The following PXT1 variants were observed in gnomAD, a reference collection of about 807,000 sequenced individuals.
PXT1 encodes the protein peroxisomal testis-specific protein 1.
Under a neutral mutation model 11.0 loss-of-function variants are expected in PXT1, and 11 were observed. The ratio of observed to expected loss-of-function variants is 1.00; its 90% confidence interval spans 0.63 to 1.66. The LOEUF (loss-of-function observed/expected upper bound fraction) is 1.66, where lower values mean the gene tolerates loss of function less well. Ranked by LOEUF, PXT1 falls within the 40% of genes most tolerant of loss-of-function variation. PXT1 has a pLI of 0.00. For missense variants in PXT1, 141 were observed against 155.5 expected, an observed-to-expected ratio of 0.91 and a Z score of 0.49; for synonymous variants, 43 against 51.4, an observed-to-expected ratio of 0.84 and a Z score of 0.70.
chr6:36,395,757 T>A (rs181528671), intron 4 of PXT1, among the ~76,000 whole-genome samples: 1 of 152,220 alleles, frequency 6.6e-6, no homozygotes, highest in Non-Finnish European at 1.5e-5. Flanking sequence ...CCTAGCACTT[T>A]GGGAGGCCGA....
intron 3 of PXT1, among the ~76,000 whole-genome samples, chr6:36,420,995 C>T (rs1194723260): frequency 6.7e-6 from 1 of 150,236 alleles, no homozygotes; most frequent in African/African-American, 2.5e-5. Flanking sequence ...GCGGAGGTTG[C>T]AGCGAGCCAA....
At chr6:36,411,428 G>C (rs1774374491) in intron 3 of PXT1, among the ~76,000 whole-genome samples, 1 of 152,132 alleles carries the variant, frequency 6.6e-6, no homozygotes, top group South Asian at 2.1e-4. Flanking sequence ...TTCAGCCTGG[G>C]CAACAAGAGT....
intron 3 of PXT1, among the ~76,000 whole-genome samples, chr6:36,423,903 C>T (rs1478799530): frequency 6.6e-6 from 1 of 152,164 alleles, no homozygotes; most frequent in Non-Finnish European, 1.5e-5. Context: ...TATGGTAAAA[C>T]GGGAGTTCTA....
At chr6:36,402,166 T>G (rs1446604806) in intron 3 of PXT1, among the ~76,000 whole-genome samples, 1 of 152,084 alleles carries the variant, frequency 6.6e-6, no homozygotes, top group African/African-American at 2.4e-5. Flanking sequence ...CAAACTTTAT[T>G]TGCTTCCAGC....
chr6:36,439,824 C>A (rs1042926525), intron 1 of PXT1, among the ~76,000 whole-genome samples: 5 of 152,124 alleles, frequency 3.3e-5, no homozygotes, highest in Non-Finnish European at 7.4e-5. Flanking sequence ...AGTTTACACC[C>A]AGCCTCCGCC....
chr6:36,428,684 T>C (rs1175017925), intron 2 of PXT1, among the ~76,000 whole-genome samples: 1 of 152,206 alleles, frequency 6.6e-6, no homozygotes, highest in Non-Finnish European at 1.5e-5. Flanking sequence ...CAAACAATAC[T>C]GCAGGATGTT....
At chr6:36,392,916 T>C (rs1007278282) in intron 4 of PXT1, among the ~76,000 whole-genome samples, 2 of 151,840 alleles carry the variant, frequency 1.3e-5, no homozygotes, top group Admixed American at 1.3e-4. Context: ...AGAAAAAAAG[T>C]CCTTGCAGTG....
Position 36,391,881 on chromosome 6 carries a change from G to GA in PXT1, c.301-8dup. On this transcript the variant is annotated splice_region_variant and splice_polypyrimidine_tract_variant and intron_variant, in intron 4 of 4. Transcript: ENST00000454782. ...TGCCATCCTGTTGAAGATCCTATTT[G>GA]AAAAAAGGGAGACACAGAGAAAGGT... is the stretch of plus-strand genomic sequence containing the variant. The GA allele has an allele frequency of 6.6e-7, 1 of 1,507,168 alleles. No homozygotes were observed. Among genetic ancestry groups the GA allele is most frequent in the South Asian group, 1.2e-5 (1 of 82,758 alleles). The allele number at this position is 1,507,168 out of a possible 1,614,324, so 93.4% of individuals were successfully genotyped here.
chr6:36,439,644 G>GAA (rs11478447), intron 1 of PXT1, among the ~76,000 whole-genome samples: 2 of 102,800 alleles, frequency 1.9e-5, no homozygotes, highest in African/African-American at 3.6e-5. Context: ...ATATAAGGCT[G>GAA]AAAAAAAAAA....
In PXT1 at chr6:36,406,431, A is replaced by G. The variant is rs151161066; in HGVS notation, c.170-5847T>C. On this transcript the variant is annotated intron_variant, in intron 3 of 4. Transcript: ENST00000454782. ...CCATGATGAGTTGAAGCCACTTGTA[A>G]GTAAAAATTATGAAGAGGAAGAAAA... Among the ~76,000 whole-genome samples, 433 of 152,328 alleles carry G rather than the reference A, an allele frequency of 2.8e-3. 6 individuals carry two copies. Among genetic ancestry groups the G allele is most frequent in the African/African-American group, 0.01 (421 of 41,582 alleles).
intron 2 of PXT1, among the ~76,000 whole-genome samples, chr6:36,433,929 C>T (rs1774729671): frequency 6.6e-6 from 1 of 151,324 alleles, no homozygotes; most frequent in African/African-American, 2.4e-5. Context: ...TCAAATAGTT[C>T]AGCAAAATAG....
rs1774070719 is a variant in PXT1, at chr6:36,391,796, A to C, written c.379T>G (p.Phe127Val). ...TACAGCAAATGGTTGTTCCAGAAAA[A>C]ATGCAGCAACACCTGAACTCTTCTA... The part of the protein sequence containing the change: ...FFRRVQVLLH[F>V]FWNNHLL The change falls in exon 5 of 5, where the codon TTT becomes GTT. Residue 127 changes from phenylalanine (F) to valine (V), a missense_variant. Phe to Val is a conservative substitution (Grantham distance 50). Coordinates refer to ENST00000454782, the MANE Select transcript of PXT1 (RefSeq NM_152990.4). 1 of 1,613,462 alleles carries C rather than the reference A, an allele frequency of 6.2e-7. No homozygotes were observed. Among genetic ancestry groups the C allele is most frequent in the African/African-American group, 1.3e-5 (1 of 74,900 alleles).
At chr6:36,401,397 G>A (rs192401554) in intron 3 of PXT1, among the ~76,000 whole-genome samples, 1 of 152,080 alleles carries the variant, frequency 6.6e-6, no homozygotes, top group Non-Finnish European at 1.5e-5. Flanking sequence ...ACTTTGGGAG[G>A]CCAAACTGGG....
intron 4 of PXT1, 99 bp downstream of exon 4, chr6:36,400,355 T>C: frequency 7.3e-7 from 1 of 1,370,998 alleles, no homozygotes; most frequent in Non-Finnish European, 1.0e-6. Flanking sequence ...TTCCATTAAT[T>C]CTGATAATTC....
intron 3 of PXT1, among the ~76,000 whole-genome samples, chr6:36,419,764 C>T (rs910613117): frequency 6.6e-6 from 1 of 152,154 alleles, no homozygotes; most frequent in African/African-American, 2.4e-5. Flanking sequence ...GTCAGCTCTC[C>T]TTTCATTTAA....
intron 1 of PXT1, 69 bp downstream of exon 1, chr6:36,442,466 C>A (rs895028854): frequency 1.3e-5 from 2 of 152,148 alleles, no homozygotes; most frequent in Admixed American, 1.3e-4. Context: ...TTACTCATAA[C>A]ACAGTTTTCC....
intron 4 of PXT1, chr6:36,392,125 T>C (rs1049616876): frequency 2.6e-6 from 1 of 385,280 alleles, no homozygotes; most frequent in Non-Finnish European, 4.7e-6. Context: ...ACTCCTGGGC[T>C]CAAGTGATTC....
intron 2 of PXT1, among the ~76,000 whole-genome samples, chr6:36,434,931 A>C (rs911480613): frequency 6.6e-6 from 1 of 152,188 alleles, no homozygotes; most frequent in African/African-American, 2.4e-5. Flanking sequence ...CTCTTTTAAC[A>C]GCTTAGGGAG....
intron 3 of PXT1, among the ~76,000 whole-genome samples, chr6:36,403,329 A>T (rs1429698320): frequency 1.3e-5 from 2 of 152,232 alleles, no homozygotes; most frequent in African/African-American, 4.8e-5. Flanking sequence ...CTTAGCACGG[A>T]CCCTGAACTA....
Sources: allele counts gnomAD v4.1 joint callset (sites outside exome capture counted in the v4.1 genomes callset), GRCh38; gene constraint gnomAD v4.1.1; transcripts MANE v1.5; gene names NCBI Gene and HGNC (gene_info 2026-07-23, HGNC 2026-07-21).